Variants in IL12RB1 observed in about 807,000 individuals in gnomAD.
IL12RB1 encodes interleukin-12 receptor subunit beta-1.
IL12RB1 carries 64 observed loss-of-function variants against 94.4 expected under a neutral mutation model. The ratio of observed to expected loss-of-function variants is 0.68; its 90% CI spans 0.55 to 0.83. The LOEUF (loss-of-function observed/expected upper bound fraction) is 0.83. Ranked by LOEUF, IL12RB1 falls within the 40% of genes least tolerant of loss-of-function variation. The pLI is 0.00. For missense variants in IL12RB1, 814 were observed against 855.6 expected (o/e 0.95, Z 0.61); for synonymous variants, 362 against 355.5 (o/e 1.02, Z -0.21).
chr19:18,067,738 G>T (rs2034696961), intron 11 of IL12RB1, among the ~76,000 whole-genome samples: 1 of 152,196 alleles, frequency 6.6e-6, no homozygotes, highest in Non-Finnish European at 1.5e-5. Context: ...GGGAGGCAGA[G>T]GTTGTATGAT....
In IL12RB1 at chr19:18,069,679, G is replaced by T. The variant is rs61734349; in HGVS notation, c.1056C>A (p.Asn352Lys). 1 of 1,612,438 alleles carries T rather than the reference G, an allele frequency of 6.2e-7. No individual in the cohort carries two copies. Among genetic ancestry groups the T allele is most frequent in the Non-Finnish European group, 8.5e-7 (1 of 1,178,944 alleles). Residue 352 changes from asparagine to lysine, a missense_variant, in exon 10 of 17, where the codon AAC becomes AAA. Asn to Lys is a moderately conservative substitution (Grantham distance 94). Transcript: ENST00000593993. ...GGGCTGGCCAATACATGGTGGTCCC[G>T]TTGGTTCCGACGCTGATATTCAGAG... ...PVALNISVGT[N>K]GTTMYWPARA...
intron 10 of IL12RB1, among the ~76,000 whole-genome samples, chr19:18,069,266 T>C (rs2146210114): frequency 6.6e-6 from 1 of 152,300 alleles, no homozygotes; most frequent in African/African-American, 2.4e-5. Flanking sequence ...CTGGCGCGGT[T>C]GAATATTTAA....
intron 4 of IL12RB1, among the ~76,000 whole-genome samples, chr19:18,079,469 C>A (rs61092264): frequency 0.1 from 15,587 of 152,092 alleles, 951 homozygotes; most frequent in East Asian, 0.28. Context: ...TCTACTGTAC[C>A]TTGGAACTCT....
intron 2 of IL12RB1, 61 bp from the exon 3 acceptor site, chr19:18,082,325 G>C: frequency 1.0e-6 from 1 of 957,874 alleles, no homozygotes; most frequent in Non-Finnish European, 1.7e-6. Flanking sequence ...TCGTGCCTAA[G>C]ACAAATCTTT....
intron 1 of IL12RB1, among the ~76,000 whole-genome samples, chr19:18,084,275 CATCCATCT>C (rs1447840253): frequency 2.7e-4 from 40 of 147,402 alleles, no homozygotes; most frequent in South Asian, 4.3e-4. Context: ...ATCCACCCCC[CATCCATCT>C]ATCCATCCAT....
In IL12RB1 at chr19:18,086,776, C is replaced by CAGGAAG. The variant is rs1183501461; in HGVS notation, c.42_47dup (p.Phe15_Leu16dup). On this transcript the variant is annotated inframe_insertion, in exon 1 of 17. Coordinates refer to ENST00000593993, the MANE Select transcript of IL12RB1 (RefSeq NM_005535.3). ...GGGACTCACCGCCCTGCCTGGACAG[C>CAGGAAG]AGGAAGAGGAAGAGGAGGGGGACCA... The CAGGAAG allele has an allele frequency of 6.2e-7, 1 of 1,611,570 alleles. No homozygotes were observed. The highest frequency in any genetic ancestry group is 2.2e-5 in the East Asian group (1 of 44,842).
intron 3 of IL12RB1, among the ~76,000 whole-genome samples, chr19:18,081,462 T>TGGGACTGGAGGGGTTTGA (rs1237910888): frequency 2.6e-5 from 4 of 151,784 alleles, no homozygotes; most frequent in Non-Finnish European, 5.9e-5. Context: ...GAGATCAGTC[T>TGGGACTGGAGGGGTTTGA]GGGACTGGAG....
At chr19:18,075,051 CA>C (rs569024952) in intron 7 of IL12RB1, among the ~76,000 whole-genome samples, 2,190 of 126,634 alleles carry the variant, frequency 0.017, 71 homozygotes, top group African/African-American at 0.058. Context: ...GACTCCGTCT[CA>C]AAAAAAAAAA....
At position 18,083,893 on chromosome 19, in the gene IL12RB1, A is replaced by G. The variant is rs904966028; in HGVS notation, c.65-402T>C. Among the ~76,000 whole-genome samples the G allele has an allele frequency of 4.0e-5, 6 of 149,198 alleles. No individual in the cohort carries two copies. The East Asian group carries it at 1.2e-3, about 30-fold the overall frequency. ...CATCCATCTATCCAACCATCCATGT[A>G]TTCATTCATCCATCCACCCATCTAT... On this transcript the variant is annotated intron_variant, in intron 1 of 16. Coordinates refer to ENST00000593993, the MANE Select transcript of IL12RB1 (RefSeq NM_005535.3).
In IL12RB1 at chr19:18,065,648, G is replaced by A. The variant is rs147899565; in HGVS notation, c.1483+894C>T. On this transcript the variant is annotated intron_variant, in intron 12 of 16. Transcript: ENST00000593993. ...AGCCTGGTCAACATGGTGAAACTCC[G>A]TCTCTGCTAAAAATACAAAAATTTG... Among the ~76,000 whole-genome samples, 431 of 152,130 alleles carry A rather than the reference G, an allele frequency of 2.8e-3. 1 individual carries two copies. The highest frequency in any genetic ancestry group is 9.1e-3 in the African/African-American group (379 of 41,520).
chr19:18,061,147 G>A lies in IL12RB1; in HGVS notation c.1766C>T (p.Ala589Val). 1 of 1,600,894 alleles carries A rather than the reference G, an allele frequency of 6.2e-7. No homozygotes were observed. The highest frequency in any genetic ancestry group is 8.5e-7 in the Non-Finnish European group (1 of 1,171,754). Residue 589 changes from alanine to valine, a missense_variant, in exon 15 of 17, where the codon GCC becomes GTC. By Grantham distance (64) the Ala-to-Val change is moderately conservative (BLOSUM62 0). Transcript: ENST00000593993. ...CTCCTTCCCTCCAGGGAACTCAATG[G>A]CGGAGCTGGCACAGGGTGTGGGCAG... ...PPLPTPCASS[A>V]IEFPGGKETW...
intron 15 of IL12RB1, among the ~76,000 whole-genome samples, chr19:18,060,767 G>A (rs2034065833): frequency 6.6e-6 from 1 of 152,014 alleles, no homozygotes; most frequent in Non-Finnish European, 1.5e-5. Flanking sequence ...CCCAGTTAAT[G>A]GGGAAAATGG....
chr19:18,061,545 A>T (rs1473655324), intron 14 of IL12RB1, among the ~76,000 whole-genome samples: 2 of 152,070 alleles, frequency 1.3e-5, no homozygotes, highest in Non-Finnish European at 2.9e-5. Context: ...GCAGCTTTCA[A>T]TCAGACATGC....
At chr19:18,059,752 C>T in intron 16 of IL12RB1, 139 bp from the exon 17 acceptor site, 5 of 734,146 alleles carry the variant, frequency 6.8e-6, no homozygotes, top group Non-Finnish European at 7.6e-6. Context: ...AGTCGCTCTT[C>T]GTGTCTGTAA....
rs1485182494 is a variant in IL12RB1, at chr19:18,086,830, C to T, written c.-7G>A. ...AGGTCACCAGCGGCTCCATCGGATCCACGTAGAGCCCCACAGCCCCAGGGG... is the reference window on the plus strand; with the variant it reads ...AGGTCACCAGCGGCTCCATCGGATCTACGTAGAGCCCCACAGCCCCAGGGG... On this transcript the variant is annotated 5_prime_UTR_variant, in exon 1 of 17. An upstream open reading frame in the 5' UTR gains an earlier in-frame stop. Coordinates refer to ENST00000593993, the MANE Select transcript of IL12RB1 (RefSeq NM_005535.3). The T allele has an allele frequency of 6.2e-7, 1 of 1,608,918 alleles. No homozygotes were observed. The highest frequency in any genetic ancestry group is 1.7e-5 in the Admixed American group (1 of 59,634).
intron 2 of IL12RB1, among the ~76,000 whole-genome samples, chr19:18,082,930 A>G (rs1031506862): frequency 6.6e-6 from 1 of 152,068 alleles, no homozygotes; most frequent in East Asian, 1.9e-4. Flanking sequence ...TAAAAATACA[A>G]AAATTAGCCG....
chr19:18,082,107 G>T, intron 3 of IL12RB1, 43 bp downstream of exon 3: 1 of 1,233,290 alleles, frequency 8.1e-7, no homozygotes. Flanking sequence ...AAGCAAGAGT[G>T]GGATGGTGGG....
At chr19:18,074,651 G>C (rs953481586) in intron 7 of IL12RB1, among the ~76,000 whole-genome samples, 9 of 152,178 alleles carry the variant, frequency 5.9e-5, no homozygotes, top group Non-Finnish European at 1.3e-4. Context: ...TGGAGGCTGA[G>C]GCAGGAGAAT....
At chr19:18,068,017 CTTTTTTT>C (rs1216685125) in intron 11 of IL12RB1, among the ~76,000 whole-genome samples, 2 of 59,826 alleles carry the variant, frequency 3.3e-5, no homozygotes, top group Non-Finnish European at 3.1e-5. Flanking sequence ...CAGCATTGTC[CTTTTTTT>C]TTTTTTTTTT....
Sources: allele counts gnomAD v4.1 joint callset (sites outside exome capture counted in the v4.1 genomes callset), GRCh38; gene constraint gnomAD v4.1.1; transcripts MANE v1.5; gene names NCBI Gene and HGNC (gene_info 2026-07-23, HGNC 2026-07-21).